The following IDE variants were observed in gnomAD, a reference collection of about 807,000 sequenced individuals.
IDE encodes the protein insulin degrading enzyme.
In IDE, 58 loss-of-function variants were observed where a neutral mutation model predicts 133.2. The ratio of observed to expected loss-of-function variants is 0.44; its 90% confidence interval spans 0.35 to 0.54. IDE has a LOEUF of 0.54. Among genes scored for constraint, IDE ranks in the 20% least tolerant of loss-of-function variants. The pLI, the probability that IDE is intolerant of heterozygous loss-of-function variation, is 0.00. For missense variants in IDE, 981 were observed against 1,234.0 expected, an observed-to-expected ratio of 0.79 and a Z score of 3.07; for synonymous variants, 396 against 421.3, an observed-to-expected ratio of 0.94 and a Z score of 0.73.
intron 5 of IDE, among the ~76,000 whole-genome samples, chr10:92,511,606 CTGCCTTTATATGG>C (rs1393343741): frequency 6.6e-6 from 1 of 152,140 alleles, no homozygotes; most frequent in Non-Finnish European, 1.5e-5. Context: ...TATTTGAGAG[CTGCCTTTATATGG>C]TGTAAAATTC....
In IDE at chr10:92,534,632, T is replaced by C; in HGVS notation, c.437A>G (p.His146Arg). 3 of 1,613,978 alleles carry C rather than the reference T, an allele frequency of 1.9e-6. No individual in the cohort carries two copies. Among genetic ancestry groups the C allele is most frequent in the Non-Finnish European group, 2.5e-6 (3 of 1,179,920 alleles). ...GSSNAFTSGEHTNYYFDVSHE... is the reference protein window; with the variant it reads ...GSSNAFTSGERTNYYFDVSHE... Reference sequence around the variant, plus strand: ...AGAAACATCAAAATAGTAATTGGTATGCTCTCCACTAGTAAAGGCATTTGA... The same window carrying C: ...AGAAACATCAAAATAGTAATTGGTACGCTCTCCACTAGTAAAGGCATTTGA... Residue 146 changes from histidine (H) to arginine (R), a missense_variant, in exon 3 of 25, where the codon CAT becomes CGT. His to Arg is a conservative substitution (Grantham distance 29). Coordinates refer to ENST00000265986, the MANE Select transcript of IDE (RefSeq NM_004969.4).
chr10:92,552,635 G>A (rs777564584), intron 1 of IDE, among the ~76,000 whole-genome samples: 3 of 151,856 alleles, frequency 2.0e-5, no homozygotes, highest in Non-Finnish European at 4.4e-5. Context: ...GAGGCGAGCA[G>A]ATCACCTCAG....
intron 14 of IDE, chr10:92,479,851 C>A (rs1846505730): frequency 6.5e-6 from 1 of 153,752 alleles, no homozygotes; most frequent in African/African-American, 2.4e-5. Context: ...AAGTCACATC[C>A]TTGGTGGACA....
intron 3 of IDE, among the ~76,000 whole-genome samples, chr10:92,532,280 AAAGAG>A (rs1427880582): frequency 1.3e-4 from 19 of 151,724 alleles, no homozygotes; most frequent in African/African-American, 3.9e-4. Context: ...AAAAAAAAAA[AAAGAG>A]AAAGAAAGAA....
At chr10:92,490,829 C>T (rs534269569) in intron 11 of IDE, among the ~76,000 whole-genome samples, 3 of 152,032 alleles carry the variant, frequency 2.0e-5, no homozygotes, top group African/African-American at 4.8e-5. Flanking sequence ...AAAAAGTGCT[C>T]GCAGGAGAGA....
chr10:92,500,798 G>GT (rs1186950876), intron 11 of IDE, among the ~76,000 whole-genome samples: 1 of 147,898 alleles, frequency 6.8e-6, no homozygotes, highest in Non-Finnish European at 1.5e-5. Context: ...TAGGTCCTTT[G>GT]TATGTCCATA....
rs1369125890 is a variant in IDE at position 92,486,616 on chromosome 10, T to C, written c.1656+580A>G. Among the ~76,000 whole-genome samples, 3 of 152,116 alleles carry C rather than the reference T, an allele frequency of 2.0e-5. No homozygotes were observed. In the East Asian group the frequency reaches 5.8e-4, roughly 29 times the overall value. Reference sequence around the variant, plus strand: ...TAGAAGGGAGAATGTGCTGTAATAATTTGATACAATTTTTTACATACTTTA... The same window carrying C: ...TAGAAGGGAGAATGTGCTGTAATAACTTGATACAATTTTTTACATACTTTA... On this transcript the variant is annotated intron_variant, in intron 13 of 24. Transcript: ENST00000265986.
chr10:92,571,006 A>G (rs554922221), intron 1 of IDE, among the ~76,000 whole-genome samples: 2 of 151,178 alleles, frequency 1.3e-5, no homozygotes, highest in South Asian at 4.2e-4. Flanking sequence ...TTTAAGACAC[A>G]GTCTCGCTCA....
Position 92,574,037 on chromosome 10 carries a change from G to T in IDE, c.-18C>A. 1.3e-6 allele frequency: 2 copies of T among 1,504,798 alleles called. No homozygotes were observed. Among genetic ancestry groups the T allele is most frequent in the Non-Finnish European group, 1.8e-6 (2 of 1,127,858 alleles). 93.2% of individuals were successfully genotyped at this position (1,504,798 alleles called of 1,614,324 possible). A position where few individuals can be genotyped will look rare whatever the true frequency, so the allele number is the denominator to read the frequency against. The stretch of plus-strand genomic sequence containing the variant: ...TACCGCATTAGCCAGCGCAGTCGCC[G>T]GGATCACCGCAAACGCTTCCTGCTT... On this transcript the variant is annotated 5_prime_UTR_variant, in exon 1 of 25. Coordinates refer to ENST00000265986, the MANE Select transcript of IDE (RefSeq NM_004969.4).
chr10:92,453,329 TTA>T lies in IDE; in HGVS notation c.*1113_*1114del, dbSNP rs5786997. 2 of 152,160 alleles carry T rather than the reference TTA, an allele frequency of 1.3e-5. No individual in the cohort carries two copies. The highest frequency in any genetic ancestry group is 2.9e-5 in the Non-Finnish European group (2 of 68,020). The allele number at this position is 152,160 out of a possible 1,614,324, so 9.4% of individuals were successfully genotyped here. On this transcript the variant is annotated 3_prime_UTR_variant, in exon 25 of 25. Coordinates refer to ENST00000265986, the MANE Select transcript of IDE (RefSeq NM_004969.4). The stretch of plus-strand genomic sequence containing the variant: ...AGTCTACTCCAGTCATCATCTGTGT[TTA>T]TATGTTTATATTTATATATTCAAAA...
intron 1 of IDE, among the ~76,000 whole-genome samples, chr10:92,573,421 C>T (rs1473486556): frequency 1.3e-5 from 2 of 152,182 alleles, no homozygotes; most frequent in African/African-American, 4.8e-5. Context: ...TTTCCCAGCG[C>T]GGGCATTCCA....
chr10:92,497,082 CGTT>C, intron 11 of IDE, among the ~76,000 whole-genome samples: 1 of 152,290 alleles, frequency 6.6e-6, no homozygotes, highest in East Asian at 1.9e-4. Context: ...AGAAAACCGT[CGTT>C]ATCACTAGGA....
intron 6 of IDE, among the ~76,000 whole-genome samples, chr10:92,509,340 C>A (rs1176323464): frequency 1.3e-5 from 2 of 152,120 alleles, no homozygotes; most frequent in Non-Finnish European, 2.9e-5. Context: ...CACCTATAAT[C>A]CTCGCACTTT....
chr10:92,465,928 A>C (rs186964685), intron 19 of IDE, 85 bp from the exon 20 acceptor site: 1 of 1,127,988 alleles, frequency 8.9e-7, no homozygotes, highest in African/African-American at 1.5e-5. Context: ...CCACACTTAC[A>C]GATGATAATT....
intron 22 of IDE, among the ~76,000 whole-genome samples, chr10:92,459,821 CCT>C (rs1321619618): frequency 7.0e-6 from 1 of 143,440 alleles, no homozygotes; most frequent in African/African-American, 2.6e-5. Flanking sequence ...ATGGTGTGAA[CCT>C]CTTTTTTTTT....
intron 17 of IDE, among the ~76,000 whole-genome samples, chr10:92,472,541 C>A (rs1235889189): frequency 6.6e-6 from 1 of 152,006 alleles, no homozygotes; most frequent in African/African-American, 2.4e-5. Flanking sequence ...TAATGACTTT[C>A]AGTACTTTGC....
At chr10:92,526,115 T>C (rs113420466) in intron 4 of IDE, among the ~76,000 whole-genome samples, 9,598 of 148,466 alleles carry the variant, frequency 0.065, 1,061 homozygotes, top group African/African-American at 0.22. Context: ...ATGGCGCCAC[T>C]GCACTCCAGC....
intron 1 of IDE, among the ~76,000 whole-genome samples, chr10:92,567,605 A>G (rs1843616402): frequency 6.6e-6 from 1 of 152,240 alleles, no homozygotes; most frequent in Non-Finnish European, 1.5e-5. Context: ...CAATAAGACA[A>G]AATTTCACTT....
intron 11 of IDE, among the ~76,000 whole-genome samples, chr10:92,495,069 C>CTT (rs1053553759): frequency 6.9e-6 from 1 of 144,908 alleles, no homozygotes; most frequent in Non-Finnish European, 1.5e-5. Context: ...TTTAATTTTT[C>CTT]TTTTTTTTTT....
Sources: gnomAD v4.1 joint callset for allele counts (sites outside exome capture counted in the v4.1 genomes callset) on GRCh38, gnomAD v4.1.1 for gene constraint, MANE v1.5 for transcripts, NCBI Gene and HGNC (gene_info 2026-07-23, HGNC 2026-07-21) for gene names.